The following ELF1 variants were observed in gnomAD, a reference collection of about 807,000 sequenced individuals.
The protein encoded by ELF1 is ETS-related transcription factor Elf-1.
A neutral mutation model predicts 59.9 loss-of-function variants in ELF1; 24 were observed. The observed-to-expected ratio is 0.40, with a 90% CI of 0.29 to 0.56. The LOEUF (loss-of-function observed/expected upper bound fraction) is 0.56, where lower values mean the gene tolerates loss of function less well. ELF1 is among the 20% of genes least tolerant of loss of function. ELF1 has a pLI of 0.44. For synonymous variants in ELF1, 248 were observed against 266.2 expected (o/e 0.93, Z 0.67); for missense variants, 627 against 742.2 (o/e 0.84, Z 1.80).
At chr13:40,962,845 G>C (rs900788973) in intron 2 of ELF1, among the ~76,000 whole-genome samples, 3 of 152,080 alleles carry the variant, frequency 2.0e-5, no homozygotes, top group African/African-American at 7.2e-5. Context: ...AATGAATGAA[G>C]AGCACCAGTT....
intron 1 of ELF1, among the ~76,000 whole-genome samples, chr13:41,033,210 G>GGTTT (rs1329643507): frequency 6.6e-6 from 1 of 152,092 alleles, no homozygotes; most frequent in Non-Finnish European, 1.5e-5. Flanking sequence ...AAGAACATGG[G>GGTTT]GTTTGGAGTG....
intron 5 of ELF1, among the ~76,000 whole-genome samples, chr13:40,945,666 A>C (rs1870458900): frequency 1.3e-5 from 2 of 152,096 alleles, no homozygotes; most frequent in Admixed American, 1.3e-4. Flanking sequence ...TCTCTTCCTC[A>C]CTTTTTATAT....
chr13:40,932,819 G>A lies in ELF1; in HGVS notation c.*606C>T, dbSNP rs1869493668. On this transcript the variant is annotated 3_prime_UTR_variant, in exon 9 of 9. Coordinates refer to ENST00000239882, the MANE Select transcript of ELF1 (RefSeq NM_172373.4). ...GGTCAAGATTACATAGCTAGTTAGT[G>A]GGAGTGCCATTCTTAGGCTGATGCT... is the stretch of plus-strand genomic sequence containing the variant. 6.6e-6 allele frequency: 1 copy of A among 152,446 alleles called. No homozygotes were observed. The allele number at this position is 152,446 out of a possible 1,614,324, so 9.4% of individuals were successfully genotyped here. A position where few individuals can be genotyped will look rare whatever the true frequency, so the allele number is the denominator to read the frequency against.
At chr13:41,037,801 A>C (rs1876446583) in intron 1 of ELF1, among the ~76,000 whole-genome samples, 2 of 152,042 alleles carry the variant, frequency 1.3e-5, no homozygotes, top group African/African-American at 4.8e-5. Context: ...GTCTCAAAAA[A>C]AAAAAGAAAA....
chr13:41,030,330 A>G (rs1323121580), intron 1 of ELF1, among the ~76,000 whole-genome samples: 1 of 152,228 alleles, frequency 6.6e-6, no homozygotes, highest in African/African-American at 2.4e-5. Context: ...ATTTGGCAAC[A>G]TGGAGGTCAC....
intron 1 of ELF1, among the ~76,000 whole-genome samples, chr13:41,006,253 T>A (rs1555278283): frequency 6.7e-6 from 1 of 150,256 alleles, no homozygotes; most frequent in Non-Finnish European, 1.5e-5. Context: ...TCCTAGCATA[T>A]CTTTAGTATA....
In ELF1 at chr13:41,018,494, G is replaced by C. The variant is rs190616992; in HGVS notation, c.-229+734C>G. Among the ~76,000 whole-genome samples, 77 of 152,220 alleles carry C rather than the reference G, an allele frequency of 5.1e-4. No individual in the cohort carries two copies. The East Asian group carries it at 0.013, about 26-fold the overall frequency. On this transcript the variant is annotated intron_variant, in intron 1 of 8. Transcript: ENST00000239882. ...GCTTTACTTCTAAGGTTGTTACTCA[G>C]AACAAGTTTTCAGTGTGAATTATAA...
chr13:41,027,911 G>A (rs1323275027), intron 1 of ELF1, among the ~76,000 whole-genome samples: 6 of 152,210 alleles, frequency 3.9e-5, no homozygotes, highest in African/African-American at 1.4e-4. Context: ...ATACCTTGCA[G>A]GTCTAGCACT....
At chr13:41,004,605 A>G (rs1028770037) in intron 1 of ELF1, among the ~76,000 whole-genome samples, 1 of 152,240 alleles carries the variant, frequency 6.6e-6, no homozygotes, top group African/African-American at 2.4e-5. Context: ...GTAAGAATTT[A>G]CTTGGTAAAC....
rs549682141 is a variant in ELF1 at position 41,046,313 on chromosome 13, T to C, written c.-229+14525A>G. On this transcript the variant is annotated intron_variant, in intron 1 of 1. Transcript: ENST00000405737. ...AAGGTTAATATTGTTATGTGTGAAT[T>C]TGATCCTGTCATTACTATGTTAGTT... is the stretch of plus-strand genomic sequence containing the variant. Among the ~76,000 whole-genome samples, 229 of 152,310 alleles carry C rather than the reference T, an allele frequency of 1.5e-3. 9 individuals are homozygous for C. The South Asian group carries it at 0.045, about 30-fold the overall frequency.
At chr13:40,955,940 G>C (rs1871377412) in intron 3 of ELF1, among the ~76,000 whole-genome samples, 1 of 113,762 alleles carries the variant, frequency 8.8e-6, no homozygotes, top group Non-Finnish European at 1.9e-5. Flanking sequence ...CCCCGTCCGG[G>C]AGGGAGGCGG....
intron 1 of ELF1, among the ~76,000 whole-genome samples, chr13:40,988,255 A>G (rs1351203264): frequency 6.6e-6 from 1 of 152,240 alleles, no homozygotes; most frequent in Non-Finnish European, 1.5e-5. Flanking sequence ...AGGATTACCT[A>G]GGACAACATA....
chr13:40,965,690 T>C (rs1234620885), intron 2 of ELF1, among the ~76,000 whole-genome samples: 2 of 152,212 alleles, frequency 1.3e-5, no homozygotes, highest in Non-Finnish European at 2.9e-5. Context: ...TACATTCCAT[T>C]TGACTGGCTG....
At chr13:41,051,248 C>A (rs1290190714) in intron 1 of ELF1, among the ~76,000 whole-genome samples, 1 of 151,976 alleles carries the variant, frequency 6.6e-6, no homozygotes, top group Non-Finnish European at 1.5e-5. Context: ...GGCATTCCCA[C>A]TCATATCTGA....
chr13:41,013,901 T>C (rs1272685151), intron 1 of ELF1, among the ~76,000 whole-genome samples: 1 of 152,028 alleles, frequency 6.6e-6, no homozygotes, highest in Non-Finnish European at 1.5e-5. Context: ...GTTTTACTAT[T>C]TATGGGATTG....
intron 1 of ELF1, among the ~76,000 whole-genome samples, chr13:40,985,137 T>G (rs1479108542): frequency 6.6e-6 from 1 of 152,250 alleles, no homozygotes; most frequent in East Asian, 1.9e-4. Flanking sequence ...AAAAGCATTT[T>G]ACTGGCTCAA....
At chr13:41,049,887 T>C (rs572510002) in intron 1 of ELF1, among the ~76,000 whole-genome samples, 3 of 152,318 alleles carry the variant, frequency 2.0e-5, no homozygotes, top group South Asian at 4.1e-4. Context: ...GCTTTTATCA[T>C]TGTTTTATCC....
chr13:40,949,711 T>C lies in ELF1; in HGVS notation c.529+95A>G. ...TTCAATGTTTTTCTTACATAAGTTT[T>C]AACTGCAGCAGGAAAGAACTATGTA... On this transcript the variant is annotated intron_variant, in intron 5 of 8. Transcript: ENST00000239882. 6 of 1,399,110 alleles carry C rather than the reference T, an allele frequency of 4.3e-6. No individual in the cohort carries two copies. In the South Asian group the frequency reaches 9.5e-5, roughly 22 times the overall value. The allele number at this position is 1,399,110 out of a possible 1,614,324, so 86.7% of individuals were successfully genotyped here.
chr13:40,965,388 G>A (rs919107903), intron 2 of ELF1, among the ~76,000 whole-genome samples: 4 of 152,264 alleles, frequency 2.6e-5, no homozygotes, highest in East Asian at 1.9e-4. Flanking sequence ...TTGGGAGGCC[G>A]AAGCGGGTGG....
Sources: allele counts gnomAD v4.1 joint callset (sites outside exome capture counted in the v4.1 genomes callset), GRCh38; gene constraint gnomAD v4.1.1; transcripts MANE v1.5; gene names NCBI Gene and HGNC (gene_info 2026-07-23, HGNC 2026-07-21).